The following PRKCE variants were observed in gnomAD, a reference collection of about 807,000 sequenced individuals.
The protein encoded by PRKCE is protein kinase C epsilon.
A neutral mutation model predicts 85.4 loss-of-function variants in PRKCE; 16 were observed. That is an observed-to-expected ratio of 0.19 (90% CI 0.13 to 0.28). The LOEUF is 0.28. Among genes scored for constraint, PRKCE ranks in the 10% least tolerant of loss-of-function variants. The pLI is 1.00. For missense variants in PRKCE, 573 were observed against 975.2 expected (o/e 0.59, Z 5.49); for synonymous variants, 388 against 371.5 (o/e 1.04, Z -0.51).
At chr2:45,928,786 T>C (rs1014310069) in intron 2 of PRKCE, among the ~76,000 whole-genome samples, 4 of 152,120 alleles carry the variant, frequency 2.6e-5, no homozygotes, top group Admixed American at 2.6e-4. Flanking sequence ...ACTTTTTTTT[T>C]CCTAGAAAGG....
At chr2:45,824,040 C>T (rs552225303) in intron 1 of PRKCE, among the ~76,000 whole-genome samples, 1 of 152,340 alleles carries the variant, frequency 6.6e-6, no homozygotes, top group East Asian at 1.9e-4. Context: ...ACCCTGCAGG[C>T]TGCTGCAGTT....
chr2:45,826,196 C>G (rs911180197), intron 1 of PRKCE, among the ~76,000 whole-genome samples: 4 of 152,094 alleles, frequency 2.6e-5, no homozygotes, highest in African/African-American at 9.7e-5. Context: ...CCTCATTCCT[C>G]TAGTTTCATG....
chr2:45,976,290 GTCCC>G, intron 2 of PRKCE, 135 bp from the exon 3 acceptor site: 1 of 953,874 alleles, frequency 1.0e-6, no homozygotes, highest in South Asian at 1.6e-5. Context: ...AGACCCCCGA[GTCCC>G]TCCACACACA....
At position 46,159,527 on chromosome 2, in the gene PRKCE, G is replaced by T. The variant is rs1156950740; in HGVS notation, c.1921-79G>T. The T allele has an allele frequency of 1.9e-5, 27 of 1,437,248 alleles. No individual in the cohort carries two copies. The highest frequency in any genetic ancestry group is 2.3e-5 in the Non-Finnish European group (25 of 1,088,978). 89.0% of individuals were successfully genotyped at this position (1,437,248 alleles called of 1,614,324 possible). A position where few individuals can be genotyped will look rare whatever the true frequency, so the allele number is the denominator to read the frequency against. Reference sequence around the variant, plus strand: ...AGGCGATGCTGAAGATGCTGCTTTGGCTGACCTCCATCTGTCCCTTATAGC... The same window carrying T: ...AGGCGATGCTGAAGATGCTGCTTTGTCTGACCTCCATCTGTCCCTTATAGC... On this transcript the variant is annotated intron_variant, in intron 13 of 14. Coordinates refer to ENST00000306156, the MANE Select transcript of PRKCE (RefSeq NM_005400.3). The surrounding 1 kb of genome is among the most constrained non-coding windows in gnomAD (Gnocchi z 4.1).
In PRKCE at chr2:45,936,192, A is replaced by G. The variant is rs113780146; in HGVS notation, c.413-40237A>G. ...TGAAGAATGAGCTATTACCCTGCCC[A>G]CCCCTGCCTGCTGTGCCCCCAAGCA... is the stretch of plus-strand genomic sequence containing the variant. On this transcript the variant is annotated intron_variant, in intron 2 of 14. Coordinates refer to ENST00000306156, the MANE Select transcript of PRKCE (RefSeq NM_005400.3). Among the ~76,000 whole-genome samples, 457 of 152,004 alleles carry G rather than the reference A, an allele frequency of 3.0e-3. 2 individuals are homozygous for G. Among genetic ancestry groups the G allele is most frequent in the African/African-American group, 9.1e-3 (378 of 41,468 alleles).
chr2:45,801,851 A>G (rs1687891958), intron 1 of PRKCE, among the ~76,000 whole-genome samples: 1 of 152,146 alleles, frequency 6.6e-6, no homozygotes. Context: ...AGAAGTTTCA[A>G]TGTTGTGCTG....
chr2:45,735,849 G>A (rs1353866813), intron 1 of PRKCE, among the ~76,000 whole-genome samples: 7 of 152,216 alleles, frequency 4.6e-5, no homozygotes, highest in African/African-American at 1.2e-4. Context: ...CTTGAGTTGC[G>A]GAGGGTTGTG....
chr2:46,019,334 T>C (rs1386470681), intron 10 of PRKCE, among the ~76,000 whole-genome samples: 2 of 152,104 alleles, frequency 1.3e-5, no homozygotes, highest in East Asian at 3.9e-4. Flanking sequence ...ATGGTCCCCA[T>C]CTGAGTGTGG....
intron 2 of PRKCE, among the ~76,000 whole-genome samples, chr2:45,928,375 C>G (rs534188208): frequency 6.6e-6 from 1 of 152,388 alleles, no homozygotes; most frequent in African/African-American, 2.4e-5. Context: ...TGAAGCAATT[C>G]TCATGCCTCA....
chr2:46,006,147 C>T lies in PRKCE; in HGVS notation c.1064-1315C>T, dbSNP rs145772718. 5.3e-5 allele frequency among the ~76,000 whole-genome samples: 8 copies of T among 152,306 alleles called. No individual in the cohort carries two copies. The East Asian group carries it at 1.4e-3, about 26-fold the overall frequency. ...CCAGTAGTGATGTTAGCACAGATGT[C>T]CCTCTGAGCGACATTATTACAGAAC... is the stretch of plus-strand genomic sequence containing the variant. On this transcript the variant is annotated intron_variant, in intron 8 of 14. Transcript: ENST00000306156.
intron 2 of PRKCE, among the ~76,000 whole-genome samples, chr2:45,848,963 G>C (rs1202829169): frequency 6.6e-6 from 1 of 152,200 alleles, no homozygotes; most frequent in Non-Finnish European, 1.5e-5. Context: ...ACCATTGTGA[G>C]TGGAGGGAAT....
At chr2:46,030,151 G>C (rs970528215) in intron 10 of PRKCE, among the ~76,000 whole-genome samples, 1 of 152,150 alleles carries the variant, frequency 6.6e-6, no homozygotes, top group Non-Finnish European at 1.5e-5. Flanking sequence ...CCTCACTGCT[G>C]TCTCCATAGT....
chr2:45,910,929 G>A (rs1697338421), intron 2 of PRKCE, among the ~76,000 whole-genome samples: 2 of 152,224 alleles, frequency 1.3e-5, no homozygotes, highest in Admixed American at 1.3e-4. Context: ...CAAGTTTGCT[G>A]AGTGTCTTGG....
intron 1 of PRKCE, chr2:45,677,841 C>T (rs962081183): frequency 5.1e-6 from 5 of 985,348 alleles, no homozygotes; most frequent in South Asian, 4.7e-5. Flanking sequence ...GAGACACAAC[C>T]GCTTCAGATG....
At chr2:46,151,530 C>A (rs922603683) in intron 13 of PRKCE, among the ~76,000 whole-genome samples, 1 of 151,520 alleles carries the variant, frequency 6.6e-6, no homozygotes, top group Non-Finnish European at 1.5e-5. Context: ...CTGTGTACAT[C>A]TGTGTCCTCC....
chr2:45,942,996 T>A (rs1401096418), intron 2 of PRKCE, among the ~76,000 whole-genome samples: 1 of 152,226 alleles, frequency 6.6e-6, no homozygotes. Context: ...ACTTTAGAAG[T>A]GTTGCACAAA....
At chr2:45,906,700 G>A (rs1697003411) in intron 2 of PRKCE, among the ~76,000 whole-genome samples, 1 of 152,162 alleles carries the variant, frequency 6.6e-6, no homozygotes. Context: ...CTGTGTGGGA[G>A]GCAGCAGGAA....
At chr2:45,802,632 C>G (rs1451583273) in intron 1 of PRKCE, among the ~76,000 whole-genome samples, 1 of 152,184 alleles carries the variant, frequency 6.6e-6, no homozygotes, top group African/African-American at 2.4e-5. Context: ...GGAGTAAGCC[C>G]TCCAGGGAAG....
intron 1 of PRKCE, among the ~76,000 whole-genome samples, chr2:45,708,403 G>A (rs887623397): frequency 9.2e-5 from 14 of 152,176 alleles, no homozygotes; most frequent in Non-Finnish European, 2.1e-4. Context: ...GAAGAACCTG[G>A]TGGGAGGTAA....
Sources: gnomAD v4.1 joint callset for allele counts (sites outside exome capture counted in the v4.1 genomes callset) on GRCh38, gnomAD v4.1.1 for gene constraint, Gnocchi (gnomAD v3.1) non-coding constraint, MANE v1.5 for transcripts, NCBI Gene and HGNC (gene_info 2026-07-23, HGNC 2026-07-21) for gene names.